EML5: variants seen among roughly 807,000 people sequenced by gnomAD.
EML5 encodes the protein EMAP like 5.
EML5 carries 120 observed loss-of-function variants against 250.0 expected under a neutral mutation model. That is an observed-to-expected ratio of 0.48 (90% CI 0.41 to 0.56). The LOEUF (loss-of-function observed/expected upper bound fraction) is 0.56, where lower values mean the gene tolerates loss of function less well. Ranked by LOEUF, EML5 falls within the 20% of genes least tolerant of loss-of-function variation. The pLI is 0.00. For synonymous variants in EML5, 771 were observed against 806.5 expected, an observed-to-expected ratio of 0.96 and a Z score of 0.75; for missense variants, 2,006 against 2,437.6, an observed-to-expected ratio of 0.82 and a Z score of 3.73.
chr14:88,769,537 A>G (rs1015706877), intron 1 of EML5, among the ~76,000 whole-genome samples: 1 of 152,222 alleles, frequency 6.6e-6, no homozygotes, highest in Non-Finnish European at 1.5e-5. Context: ...GAGAAAAGAC[A>G]ATATCTAAAA....
intron 27 of EML5, among the ~76,000 whole-genome samples, chr14:88,656,617 T>A (rs374090521): frequency 6.7e-4 from 102 of 151,840 alleles, no homozygotes; most frequent in African/African-American, 2.4e-3. Flanking sequence ...AAAGTATAAT[T>A]AAAAAAAAGT....
rs186300099 is a variant in EML5 at position 88,695,266 on chromosome 14, A to G, written c.2438+95T>C. ...ACATGGAAGCAATAAAAAGTTACAT[A>G]TTTGCTTGATTTCAAAATTCTTTTA... On this transcript the variant is annotated intron_variant, in intron 16 of 43. Transcript: ENST00000554922. 107 of 877,458 alleles carry G rather than the reference A, an allele frequency of 1.2e-4. No homozygotes were observed. In the Middle Eastern group the frequency reaches 3.1e-3, roughly 26 times the overall value. The allele number at this position is 877,458 out of a possible 1,614,324, so 54.4% of individuals were successfully genotyped here.
In EML5 at chr14:88,705,948, A is replaced by T. The variant is rs114767620; in HGVS notation, c.1825+311T>A. ...TTGACATTAGATAATTTTTGTCAAT[A>T]AAAGCATTTACAAAATCTAGATACC... is the stretch of plus-strand genomic sequence containing the variant. On this transcript the variant is annotated intron_variant, in intron 11 of 43. Transcript: ENST00000554922. 584 of 536,554 alleles carry T rather than the reference A, an allele frequency of 1.1e-3. 7 individuals carry two copies. The highest frequency in any genetic ancestry group is 0.01 in the African/African-American group (546 of 52,870). The allele number at this position is 536,554 out of a possible 1,614,324, so 33.2% of individuals were successfully genotyped here.
chr14:88,621,470 C>T, intron 37 of EML5, 169 bp from the exon 38 acceptor site: 1 of 660,588 alleles, frequency 1.5e-6, no homozygotes, highest in South Asian at 1.9e-5. Context: ...ACTACAGGCA[C>T]ACATCTATCT....
chr14:88,726,388 AC>A (rs2093666768), intron 8 of EML5, among the ~76,000 whole-genome samples, 152 bp downstream of exon 8: 1 of 152,238 alleles, frequency 6.6e-6, no homozygotes, highest in Non-Finnish European at 1.5e-5. Context: ...GATGAAATTA[AC>A]ATCTGAAATA....
chr14:88,619,681 AAG>A (rs1190528328), intron 39 of EML5: 1 of 143,906 alleles, frequency 6.9e-6, no homozygotes. Flanking sequence ...ATCTTGGAAG[AAG>A]AATTTTTTTT....
At chr14:88,789,367 G>A (rs192102044) in intron 1 of EML5, among the ~76,000 whole-genome samples, 1 of 152,222 alleles carries the variant, frequency 6.6e-6, no homozygotes, top group African/African-American at 2.4e-5. Flanking sequence ...CAGTTACTAA[G>A]ATAAATATAA....
chr14:88,621,233 A>G lies in EML5; in HGVS notation c.5082T>C (p.Asn1694=). The G allele has an allele frequency of 6.2e-7, 1 of 1,613,958 alleles. No homozygotes were observed. The highest frequency in any genetic ancestry group is 8.5e-7 in the Non-Finnish European group (1 of 1,179,878). The change falls in exon 38 of 44, where the codon AAT becomes AAC. Residue 1694 remains asparagine, a synonymous_variant. Coordinates refer to ENST00000554922, the MANE Select transcript of EML5 (RefSeq NM_183387.3). ...CATCCACATGACCGTTAACTAAAAT[A>G]TTACAAGCTGCATTTTTCTCTCCAA... is the stretch of plus-strand genomic sequence containing the variant. ...IEVGEKNAAC[N]ILVNGHVDGP...
intron 28 of EML5, among the ~76,000 whole-genome samples, chr14:88,649,351 A>G (rs1421423931): frequency 4.6e-5 from 7 of 152,144 alleles, no homozygotes; most frequent in Non-Finnish European, 1.0e-4. Context: ...CACCGTGCCC[A>G]GCCATGATAC....
intron 7 of EML5, among the ~76,000 whole-genome samples, chr14:88,735,884 C>T (rs1246758448): frequency 6.6e-6 from 1 of 151,970 alleles, no homozygotes; most frequent in Admixed American, 6.5e-5. Context: ...GAACAAACTC[C>T]ATATCATATA....
At chr14:88,697,378 G>A (rs2093103314) in intron 14 of EML5, among the ~76,000 whole-genome samples, 1 of 152,170 alleles carries the variant, frequency 6.6e-6, no homozygotes, top group South Asian at 2.1e-4. Flanking sequence ...TGCAGAATGA[G>A]TCCATAGAAG....
intron 26 of EML5, 47 bp from the exon 27 acceptor site, chr14:88,657,549 A>G: frequency 6.6e-7 from 1 of 1,505,598 alleles, no homozygotes; most frequent in Non-Finnish European, 8.9e-7. Context: ...AACTGAGATC[A>G]ATTATGATCT....
chr14:88,683,350 T>C, intron 20 of EML5, among the ~76,000 whole-genome samples: 1 of 152,164 alleles, frequency 6.6e-6, no homozygotes, highest in East Asian at 1.9e-4. Context: ...TTTGATTGGT[T>C]TAGCCTGTGG....
chr14:88,704,211 T>C (rs1425142976), intron 13 of EML5, among the ~76,000 whole-genome samples: 2 of 152,168 alleles, frequency 1.3e-5, no homozygotes, highest in South Asian at 2.1e-4. Context: ...GATTAGTTCA[T>C]ACAAGATCTG....
chr14:88,782,347 A>T (rs2094505845), intron 1 of EML5, among the ~76,000 whole-genome samples: 1 of 152,232 alleles, frequency 6.6e-6, no homozygotes. Context: ...AGAGCATGAA[A>T]GTTTGGAAAT....
At chr14:88,719,906 A>G (rs1172307134) in intron 8 of EML5, among the ~76,000 whole-genome samples, 3 of 152,194 alleles carry the variant, frequency 2.0e-5, no homozygotes, top group Non-Finnish European at 2.9e-5. Flanking sequence ...CTAATGAAGG[A>G]GAAAAGAGGG....
At chr14:88,674,293 T>A (rs1336375855) in intron 21 of EML5, among the ~76,000 whole-genome samples, 1 of 151,758 alleles carries the variant, frequency 6.6e-6, no homozygotes, top group African/African-American at 2.4e-5. Flanking sequence ...ACAACAACAA[T>A]AAAAACCCTG....
At chr14:88,615,994 A>C in intron 43 of EML5, 140 bp from the exon 44 acceptor site, 1 of 1,272,930 alleles carries the variant, frequency 7.9e-7, no homozygotes, top group Non-Finnish European at 1.1e-6. Flanking sequence ...ATTTGCATAA[A>C]TATGAGATTC....
intron 31 of EML5, among the ~76,000 whole-genome samples, chr14:88,639,444 C>G (rs1782084092): frequency 6.6e-6 from 1 of 152,192 alleles, no homozygotes; most frequent in African/African-American, 2.4e-5. Context: ...GCCCACGATC[C>G]TTCTGTTTTG....
Sources: allele counts gnomAD v4.1 joint callset (sites outside exome capture counted in the v4.1 genomes callset), GRCh38; gene constraint gnomAD v4.1.1; transcripts MANE v1.5; gene names NCBI Gene and HGNC (gene_info 2026-07-23, HGNC 2026-07-21).